The following NCOR2 variants were observed in gnomAD, a reference collection of about 807,000 sequenced individuals.
NCOR2 encodes the protein CTG repeat protein 26.
Under a neutral mutation model 262.9 loss-of-function variants are expected in NCOR2, and 81 were observed. That is an observed-to-expected ratio of 0.31 (90% CI 0.26 to 0.37). The LOEUF (loss-of-function observed/expected upper bound fraction) is 0.37, where lower values mean the gene tolerates loss of function less well. NCOR2 is among the 10% of genes least tolerant of loss of function. The pLI is 1.00. For synonymous variants in NCOR2, 1,659 were observed against 1,559.3 expected (o/e 1.06, Z -1.51); for missense variants, 3,385 against 3,621.4 (o/e 0.93, Z 1.68).
chr12:124,532,933 C>CCCTCCCTAACCCAAATCCCA (rs2050902962), intron 1 of NCOR2, among the ~76,000 whole-genome samples: 2 of 29,328 alleles, frequency 6.8e-5, no homozygotes, highest in Admixed American at 3.2e-4. Context: ...TCCTCCTTCC[C>CCCTCCCTAACCCAAATCCCA]CTCCTCCCTC....
chr12:124,466,077 C>A (rs1019337520), intron 5 of NCOR2, 96 bp downstream of exon 7: 2 of 1,225,194 alleles, frequency 1.6e-6, no homozygotes, highest in Non-Finnish European at 2.3e-6. Flanking sequence ...CCCCTCCCCA[C>A]ATAGATGGAA....
Position 124,483,470 on chromosome 12 carries a change from G to C in NCOR2, c.411+126C>G. ...CCCAGCTCTGTGCACCCGGTGCTTG[G>C]CCCACCTCCAAGCCTTTGCCCGAGC... On this transcript the variant is annotated intron_variant, in intron 3 of 46. Transcript: ENST00000405201. This position sits in a 1 kb window ranked among gnomAD's most constrained non-coding sequence, Gnocchi z 6.3. 1.9e-6 allele frequency: 2 copies of C among 1,065,260 alleles called. No individual in the cohort carries two copies. Among genetic ancestry groups the C allele is most frequent in the Non-Finnish European group, 2.6e-6 (2 of 771,368 alleles). 66.0% of individuals were successfully genotyped at this position (1,065,260 alleles called of 1,614,324 possible). A position where few individuals can be genotyped will look rare whatever the true frequency, so the allele number is the denominator to read the frequency against.
At chr12:124,360,102 C>T (rs902127452) in intron 22 of NCOR2, among the ~76,000 whole-genome samples, 1 of 152,238 alleles carries the variant, frequency 6.6e-6, no homozygotes, top group East Asian at 1.9e-4. Flanking sequence ...TCAGCAGGAC[C>T]TGGCTGGCAC....
chr12:124,393,809 T>A (rs1302190026), intron 16 of NCOR2, among the ~76,000 whole-genome samples: 1 of 152,246 alleles, frequency 6.6e-6, no homozygotes, highest in Admixed American at 6.5e-5. Context: ...CTAGTCAGGT[T>A]GGTAGAGATA....
intron 8 of NCOR2, among the ~76,000 whole-genome samples, chr12:124,437,114 TAAAATG>T (rs2044378908): frequency 1.3e-5 from 2 of 149,528 alleles, no homozygotes; most frequent in African/African-American, 5.1e-5. Flanking sequence ...AATAAACAAA[TAAAATG>T]AAATGAAATG....
At position 124,344,589 on chromosome 12, in the gene NCOR2, C is replaced by T; in HGVS notation, c.4714+8G>A. 1.4e-6 allele frequency: 2 copies of T among 1,448,110 alleles called. No homozygotes were observed. Among genetic ancestry groups the T allele is most frequent in the Non-Finnish European group, 1.8e-6 (2 of 1,095,850 alleles). The allele number at this position is 1,448,110 out of a possible 1,614,324, so 89.7% of individuals were successfully genotyped here. On this transcript the variant is annotated splice_region_variant and intron_variant, in intron 32 of 46. Transcript: ENST00000405201. ...CACCCCACTCACGCCCATGCACACC[C>T]CACTCACCCTCCTGCAGGCGCGGCG...
intron 10 of NCOR2, among the ~76,000 whole-genome samples, chr12:124,427,746 T>G (rs1203013732): frequency 6.6e-6 from 1 of 152,078 alleles, no homozygotes; most frequent in African/African-American, 2.4e-5. Flanking sequence ...ATCCCAGGGA[T>G]GTAATAATGG....
At chr12:124,418,350 T>C (rs566245333) in intron 13 of NCOR2, among the ~76,000 whole-genome samples, 73 of 152,314 alleles carry the variant, frequency 4.8e-4, no homozygotes, top group Non-Finnish European at 8.7e-4. Context: ...GTTTCCCTCA[T>C]GGGAGTTTTC....
At chr12:124,433,811 C>G (rs1005543427) in intron 8 of NCOR2, among the ~76,000 whole-genome samples, 8 of 150,704 alleles carry the variant, frequency 5.3e-5, no homozygotes, top group African/African-American at 1.5e-4. Flanking sequence ...GAAACAGATC[C>G]CTTCCTCCCT....
chr12:124,529,189 A>AC lies in NCOR2; in HGVS notation c.-118+6375_-118+6376insG, dbSNP rs764264997. 2.4e-3 allele frequency among the ~76,000 whole-genome samples: 354 copies of AC among 148,226 alleles called. 7 individuals are homozygous for AC. The highest frequency in any genetic ancestry group is 0.011 in the South Asian group (50 of 4,612). The stretch of plus-strand genomic sequence containing the variant: ...AGCGAAACTCCGACTCAAAAAAAAA[A>AC]AAAAAAAAAAAAACACTCACTAATC... On this transcript the variant is annotated intron_variant, in intron 1 of 46. Coordinates refer to the NCOR2 transcript ENST00000404621.
intron 4 of NCOR2, among the ~76,000 whole-genome samples, chr12:124,470,976 A>C (rs1466212550): frequency 6.6e-6 from 1 of 152,228 alleles, no homozygotes; most frequent in Non-Finnish European, 1.5e-5. Context: ...CTGGAAGCCT[A>C]ACGGTGCGGT....
intron 1 of NCOR2, among the ~76,000 whole-genome samples, chr12:124,556,815 T>C (rs939055713): frequency 6.6e-6 from 1 of 151,372 alleles, no homozygotes; most frequent in African/African-American, 2.4e-5. Context: ...GCCACTGTAC[T>C]TCCAGCCTGG....
intron 8 of NCOR2, among the ~76,000 whole-genome samples, chr12:124,433,712 G>A (rs976315556): frequency 6.6e-6 from 1 of 152,068 alleles, no homozygotes; most frequent in Non-Finnish European, 1.5e-5. Context: ...CTCGGACAGC[G>A]CAGGGCGGGC....
chr12:124,502,511 C>G (rs140073980), intron 1 of NCOR2, among the ~76,000 whole-genome samples: 1 of 151,986 alleles, frequency 6.6e-6, no homozygotes, highest in Non-Finnish European at 1.5e-5. Context: ...TATGCAAAGG[C>G]GCCGGGGAGA....
chr12:124,447,979 C>T (rs1402010337), intron 7 of NCOR2, among the ~76,000 whole-genome samples: 5 of 152,206 alleles, frequency 3.3e-5, no homozygotes, highest in Admixed American at 1.3e-4. Flanking sequence ...CCACTGCACC[C>T]GGCTGTATTA....
intron 13 of NCOR2, among the ~76,000 whole-genome samples, chr12:124,413,116 C>T (rs1345824588): frequency 6.6e-5 from 10 of 152,234 alleles, no homozygotes; most frequent in Non-Finnish European, 1.0e-4. Context: ...TTCAATCCCA[C>T]CTTGACAAAT....
chr12:124,402,454 CTCCGCCTCCTTT>C (rs2042035354), exon 14 of NCOR2: 1 of 1,613,436 alleles, frequency 6.2e-7, no homozygotes, highest in Admixed American at 1.7e-5. Flanking sequence ...CCTCCTCCTT[CTCCGCCTCCTTT>C]TCCTTCTCCT....
upstream of NCOR2, among the ~76,000 whole-genome samples, chr12:124,498,255 G>C (rs573742927): frequency 6.6e-6 from 1 of 152,282 alleles, no homozygotes; most frequent in South Asian, 2.1e-4. Context: ...GGGGGTGACA[G>C]GCCCCTGGCA....
intron 1 of NCOR2, among the ~76,000 whole-genome samples, chr12:124,491,170 T>C (rs77428884): frequency 5.6e-5 from 1 of 17,700 alleles, no homozygotes; most frequent in African/African-American, 6.9e-4. Flanking sequence ...ACAGAGAAGG[T>C]TGTGCTCACC....
Sources: allele counts gnomAD v4.1 joint callset (sites outside exome capture counted in the v4.1 genomes callset), GRCh38; gene constraint gnomAD v4.1.1; non-coding constraint Gnocchi (gnomAD v3.1); transcripts MANE v1.5; gene names NCBI Gene and HGNC (gene_info 2026-07-23, HGNC 2026-07-21).